SIRT1: variants seen among roughly 807,000 people sequenced by gnomAD.
SIRT1 encodes the protein NAD-dependent protein deacetylase sirtuin-1.
Under a neutral mutation model 67.9 loss-of-function variants are expected in SIRT1, and 24 were observed. The ratio of observed to expected loss-of-function variants is 0.35; its 90% CI spans 0.26 to 0.50. SIRT1 has a LOEUF of 0.50. SIRT1 is among the 20% of genes least tolerant of loss of function. The pLI, the probability that SIRT1 is intolerant of heterozygous loss-of-function variation, is 0.98. For missense variants in SIRT1, 873 were observed against 937.2 expected, an observed-to-expected ratio of 0.93 and a Z score of 0.89; for synonymous variants, 378 against 350.7, an observed-to-expected ratio of 1.08 and a Z score of -0.87.
chr10:67,915,292 A>G (rs1043431611), intron 8 of SIRT1, among the ~76,000 whole-genome samples: 4 of 152,286 alleles, frequency 2.6e-5, no homozygotes, highest in Non-Finnish European at 5.9e-5. Context: ...AATAAATACT[A>G]CATCTATTAT....
intron 4 of SIRT1, among the ~76,000 whole-genome samples, chr10:67,894,008 C>T (rs1417113185): frequency 6.6e-6 from 1 of 152,130 alleles, no homozygotes; most frequent in African/African-American, 2.4e-5. Flanking sequence ...GATGCAGTAG[C>T]TCGTGCCTAT....
intron 4 of SIRT1, among the ~76,000 whole-genome samples, chr10:67,896,483 C>T (rs1240524806): frequency 6.6e-6 from 1 of 152,022 alleles, no homozygotes; most frequent in Non-Finnish European, 1.5e-5. Flanking sequence ...CTTTCCTGTG[C>T]GTTGTAGGAT....
chr10:67,885,214 G>A, intron 1 of SIRT1, 63 bp downstream of exon 1: 1 of 1,276,094 alleles, frequency 7.8e-7, no homozygotes, highest in African/African-American at 1.5e-5. Context: ...GGCTCCTACT[G>A]GCCTGAGGTT....
intron 4 of SIRT1, among the ~76,000 whole-genome samples, chr10:67,904,612 A>G (rs1036145235): frequency 3.3e-5 from 5 of 152,126 alleles, no homozygotes; most frequent in South Asian, 2.1e-4. Flanking sequence ...TTGTGAGACC[A>G]AGGTGGGCGG....
At chr10:67,898,284 A>G (rs1196486495) in intron 4 of SIRT1, among the ~76,000 whole-genome samples, 3 of 151,654 alleles carry the variant, frequency 2.0e-5, no homozygotes, top group Non-Finnish European at 4.4e-5. Flanking sequence ...GAAAAGAAAA[A>G]AAAAGAAAAG....
At chr10:67,894,796 A>T (rs1290617820) in intron 4 of SIRT1, among the ~76,000 whole-genome samples, 1 of 151,688 alleles carries the variant, frequency 6.6e-6, no homozygotes, top group East Asian at 1.9e-4. Context: ...TGCATCCTCC[A>T]CCTCCCGGGT....
chr10:67,888,480 T>A (rs1051814697), intron 2 of SIRT1, among the ~76,000 whole-genome samples: 3 of 152,146 alleles, frequency 2.0e-5, no homozygotes, highest in African/African-American at 7.2e-5. Context: ...TATGTATAGA[T>A]TTTCATTTCT....
In SIRT1 at chr10:67,884,787, G is replaced by C; in HGVS notation, c.66G>C (p.Arg22Ser). ...CCCCCTCGGCGGCGGGGGCCGACAG[G>C]GAGGCCGCGTCGTCCCCCGCCGGGG... ...GGSPSAAGAD[R>S]EAASSPAGEP... The change falls in exon 1 of 9, where the codon AGG becomes AGC. Residue 22 changes from arginine (R) to serine (S), a missense_variant. Arg to Ser is a moderately radical substitution (Grantham distance 110). Coordinates refer to ENST00000212015, the MANE Select transcript of SIRT1 (RefSeq NM_012238.5). 8.2e-7 allele frequency: 1 copy of C among 1,226,038 alleles called. No homozygotes were observed. Among genetic ancestry groups the C allele is most frequent in the Non-Finnish European group, 1.0e-6 (1 of 984,132 alleles). 75.9% of individuals were successfully genotyped at this position (1,226,038 alleles called of 1,614,324 possible). A position where few individuals can be genotyped will look rare whatever the true frequency, so the allele number is the denominator to read the frequency against.
In SIRT1 at chr10:67,887,523, G is replaced by A. The variant is rs201612884; in HGVS notation, c.537G>A (p.Arg179=). 5.0e-5 allele frequency: 80 copies of A among 1,603,486 alleles called. 1 individual carries two copies. The South Asian group carries it at 8.3e-4, about 17-fold the overall frequency. The change falls in exon 2 of 9, where the codon AGG becomes AGA. Residue 179 remains arginine, a synonymous_variant. Coordinates refer to ENST00000212015, the MANE Select transcript of SIRT1 (RefSeq NM_012238.5). The part of the protein sequence containing the change: ...SHASSSDWTP[R]PRIGPYTFVQ... ...CAAGCTCTAGTGACTGGACTCCAAG[G>A]CCACGGATAGGTATGGCTCAGAGCT...
intron 3 of SIRT1, 56 bp downstream of exon 3, chr10:67,889,179 A>C: frequency 6.7e-7 from 1 of 1,499,328 alleles, no homozygotes; most frequent in African/African-American, 1.4e-5. Flanking sequence ...TGCCTTTTCC[A>C]AGTAGGAAAC....
At chr10:67,886,219 G>A (rs569209131) in intron 1 of SIRT1, among the ~76,000 whole-genome samples, 4 of 151,988 alleles carry the variant, frequency 2.6e-5, no homozygotes, top group South Asian at 4.2e-4. Context: ...GGGATTACAG[G>A]CGTGAGCCAC....
At chr10:67,894,802 C>T (rs12783242) in intron 4 of SIRT1, among the ~76,000 whole-genome samples, 16,898 of 152,014 alleles carry the variant, frequency 0.11, 973 homozygotes, top group South Asian at 0.15. Context: ...CTCCACCTCC[C>T]GGGTTCAAGC....
At chr10:67,891,019 G>C (rs1266552888) in intron 3 of SIRT1, among the ~76,000 whole-genome samples, 10 of 131,608 alleles carry the variant, frequency 7.6e-5, no homozygotes, top group Non-Finnish European at 1.1e-4. Context: ...GACAGTGTGA[G>C]ACTCTGTCTC....
At chr10:67,890,116 C>T (rs1298178144) in intron 3 of SIRT1, among the ~76,000 whole-genome samples, 1 of 151,894 alleles carries the variant, frequency 6.6e-6, no homozygotes, top group East Asian at 1.9e-4. Context: ...AGTGCAGTGG[C>T]AGGATCTTGG....
At chr10:67,896,692 G>T (rs1258756184) in intron 4 of SIRT1, among the ~76,000 whole-genome samples, 1 of 148,876 alleles carries the variant, frequency 6.7e-6, no homozygotes, top group East Asian at 2.0e-4. Context: ...AACTCAGGAG[G>T]CTGAGTTTGC....
chr10:67,914,122 A>G (rs1379191055), intron 8 of SIRT1, among the ~76,000 whole-genome samples: 4 of 120,462 alleles, frequency 3.3e-5, no homozygotes, highest in Non-Finnish European at 6.3e-5. Flanking sequence ...CCCAGGCTGG[A>G]GTGCAGTGGC....
intron 6 of SIRT1, 33 bp downstream of exon 6, chr10:67,908,158 A>G: frequency 6.4e-7 from 1 of 1,561,448 alleles, no homozygotes; most frequent in Non-Finnish European, 8.8e-7. Flanking sequence ...GGAATTGTTC[A>G]TGTCTCTGAA....
At chr10:67,901,946 A>G (rs969433987) in intron 4 of SIRT1, among the ~76,000 whole-genome samples, 1 of 152,208 alleles carries the variant, frequency 6.6e-6, no homozygotes, top group South Asian at 2.1e-4. Flanking sequence ...GAGAACATTT[A>G]AAATGTACTC....
In SIRT1 at chr10:67,884,664, C is replaced by G. The variant is rs1222525974; in HGVS notation, c.-58C>G. 9.8e-6 allele frequency: 12 copies of G among 1,224,314 alleles called. No individual in the cohort carries two copies. The highest frequency in any genetic ancestry group is 4.3e-5 in the Admixed American group (1 of 23,412). The allele number at this position is 1,224,314 out of a possible 1,614,324, so 75.8% of individuals were successfully genotyped here. On this transcript the variant is annotated 5_prime_UTR_variant, in exon 1 of 9. Transcript: ENST00000212015. ...GCCGGAGCCGCGGGGGCGCCAGTGC[C>G]GCGCGTCGAGCGGGAGCAGAGGAGG...
Sources: gnomAD v4.1 joint callset for allele counts (sites outside exome capture counted in the v4.1 genomes callset) on GRCh38, gnomAD v4.1.1 for gene constraint, MANE v1.5 for transcripts, NCBI Gene and HGNC (gene_info 2026-07-23, HGNC 2026-07-21) for gene names.